STPG2: variants seen among roughly 807,000 people sequenced by gnomAD.
The protein encoded by STPG2 is sperm tail PG-rich repeat containing 2.
In STPG2, 56 loss-of-function variants were observed where a neutral mutation model predicts 54.2. The observed-to-expected ratio is 1.03, with a 90% CI of 0.83 to 1.29. STPG2 has a LOEUF of 1.29. Ranked by LOEUF, STPG2 falls within the 50% of genes most tolerant of loss-of-function variation. The pLI is 0.00. For synonymous variants in STPG2, 200 were observed against 181.8 expected, an observed-to-expected ratio of 1.10 and a Z score of -0.81; for missense variants, 596 against 544.9, an observed-to-expected ratio of 1.09 and a Z score of -0.93.
chr4:97,525,129 C>A (rs917566221), intron 4 of STPG2, among the ~76,000 whole-genome samples: 7 of 151,798 alleles, frequency 4.6e-5, no homozygotes, highest in African/African-American at 1.4e-4. Flanking sequence ...TAGCATTTTG[C>A]TCTAATTGTA....
chr4:97,659,524 T>C (rs1290442033), intron 10 of STPG2, among the ~76,000 whole-genome samples: 1 of 152,250 alleles, frequency 6.6e-6, no homozygotes, highest in Non-Finnish European at 1.5e-5. Flanking sequence ...TCTCACACTT[T>C]ATGTCAGCTC....
chr4:97,591,129 A>G (rs565769871), intron 10 of STPG2, among the ~76,000 whole-genome samples: 5 of 152,296 alleles, frequency 3.3e-5, no homozygotes, highest in African/African-American at 9.6e-5. Context: ...AGATATTAAT[A>G]TTAGTTGATG....
At chr4:97,806,883 T>G (rs1156697190) in intron 9 of STPG2, among the ~76,000 whole-genome samples, 1 of 152,158 alleles carries the variant, frequency 6.6e-6, no homozygotes, top group Non-Finnish European at 1.5e-5. Context: ...AAAACATAAG[T>G]GCATATGAAC....
intron 8 of STPG2, among the ~76,000 whole-genome samples, chr4:97,933,144 T>G (rs564730099): frequency 1.3e-5 from 2 of 152,336 alleles, no homozygotes; most frequent in Admixed American, 6.5e-5. Flanking sequence ...TTTCATTTGT[T>G]TATTGGCCAT....
At position 97,910,614 on chromosome 4, in the gene STPG2, T is replaced by C. The variant is rs974206173; in HGVS notation, c.1044+33283A>G. Among the ~76,000 whole-genome samples the C allele has an allele frequency of 6.6e-5, 10 of 152,278 alleles. No individual in the cohort carries two copies. In the South Asian group the frequency reaches 2.1e-3, roughly 32 times the overall value. ...TCTGACTTTCTACTAAAACAGAAGA[T>C]GTAAATAGAAACTGTAATTTCATAA... On this transcript the variant is annotated intron_variant, in intron 8 of 10. Transcript: ENST00000295268.
intron 9 of STPG2, among the ~76,000 whole-genome samples, chr4:97,794,931 T>A (rs901564300): frequency 6.6e-5 from 10 of 152,156 alleles, no homozygotes; most frequent in African/African-American, 2.4e-4. Flanking sequence ...GTTTTGTAAT[T>A]CCTTGACTAA....
intron 4 of STPG2, among the ~76,000 whole-genome samples, chr4:97,539,823 T>G (rs1417303826): frequency 6.6e-6 from 1 of 152,130 alleles, no homozygotes; most frequent in Non-Finnish European, 1.5e-5. Context: ...ATTAAGAAAC[T>G]CACTCAAAAC....
At chr4:97,961,284 C>A (rs1303358438) in intron 7 of STPG2, among the ~76,000 whole-genome samples, 1 of 152,046 alleles carries the variant, frequency 6.6e-6, no homozygotes, top group Non-Finnish European at 1.5e-5. Context: ...TAGACATTGG[C>A]TTAGGCAAAG....
intron 5 of STPG2, among the ~76,000 whole-genome samples, chr4:98,105,266 T>A (rs1739157238): frequency 6.6e-6 from 1 of 152,148 alleles, no homozygotes; most frequent in Admixed American, 6.5e-5. Context: ...TCCTTTAAAT[T>A]CGGTTAAAGT....
intron 8 of STPG2, among the ~76,000 whole-genome samples, chr4:97,851,648 A>C (rs572026191): frequency 6.6e-5 from 10 of 152,212 alleles, no homozygotes; most frequent in Non-Finnish European, 1.3e-4. Context: ...ATAGAAGTAG[A>C]AATATGTCCA....
chr4:97,489,085 G>C (rs894996821), intron 4 of STPG2, among the ~76,000 whole-genome samples: 2 of 151,704 alleles, frequency 1.3e-5, no homozygotes, highest in Admixed American at 6.6e-5. Flanking sequence ...AGTCTCATGA[G>C]ATCTGATGGT....
At chr4:97,920,548 TTAA>T (rs1732059997) in intron 8 of STPG2, among the ~76,000 whole-genome samples, 1 of 152,182 alleles carries the variant, frequency 6.6e-6, no homozygotes, top group Non-Finnish European at 1.5e-5. Context: ...GAGGTTCCTG[TTAA>T]TAATTTTATC....
At chr4:97,824,031 A>G (rs1312053778) in intron 9 of STPG2, among the ~76,000 whole-genome samples, 1 of 152,122 alleles carries the variant, frequency 6.6e-6, no homozygotes, top group Non-Finnish European at 1.5e-5. Context: ...TTCTCTTTGG[A>G]TTAATCTGTC....
At chr4:97,688,000 G>T (rs1451514862) in intron 10 of STPG2, among the ~76,000 whole-genome samples, 2 of 152,018 alleles carry the variant, frequency 1.3e-5, no homozygotes, top group South Asian at 4.1e-4. Context: ...CCGAGAAGTT[G>T]TTCAATCTTA....
At chr4:97,924,720 T>C (rs1174288471) in intron 8 of STPG2, among the ~76,000 whole-genome samples, 1 of 152,214 alleles carries the variant, frequency 6.6e-6, no homozygotes, top group Non-Finnish European at 1.5e-5. Context: ...ATAAATTTGA[T>C]ATAAAGAGGT....
At chr4:97,988,427 C>T (rs1345767355) in intron 5 of STPG2, among the ~76,000 whole-genome samples, 1 of 152,038 alleles carries the variant, frequency 6.6e-6, no homozygotes, top group South Asian at 2.1e-4. Context: ...TGGCTCACTG[C>T]TATATCTCTA....
chr4:97,707,968 A>G (rs1157600384), intron 10 of STPG2, among the ~76,000 whole-genome samples: 1 of 152,204 alleles, frequency 6.6e-6, no homozygotes, highest in Non-Finnish European at 1.5e-5. Context: ...AATTTCTTAG[A>G]TAAGTTGGTA....
At chr4:97,527,020 T>A (rs942611011) in intron 4 of STPG2, among the ~76,000 whole-genome samples, 11 of 151,830 alleles carry the variant, frequency 7.2e-5, no homozygotes, top group Non-Finnish European at 1.3e-4. Context: ...TTTTTAATAC[T>A]TTAAGTTCTG....
At chr4:97,630,211 C>A (rs1721228585) in intron 10 of STPG2, among the ~76,000 whole-genome samples, 1 of 151,702 alleles carries the variant, frequency 6.6e-6, no homozygotes. Context: ...TTAGATTTAC[C>A]AAAAAGATGA....
Sources: gnomAD v4.1 joint callset for allele counts (sites outside exome capture counted in the v4.1 genomes callset) on GRCh38, gnomAD v4.1.1 for gene constraint, MANE v1.5 for transcripts, NCBI Gene and HGNC (gene_info 2026-07-23, HGNC 2026-07-21) for gene names.